The following PTCHD4 variants were observed in gnomAD, a reference collection of about 807,000 sequenced individuals.
The protein encoded by PTCHD4 is patched domain-containing protein 4.
A neutral mutation model predicts 58.1 loss-of-function variants in PTCHD4; 33 were observed. That is an observed-to-expected ratio of 0.57 (90% confidence interval 0.43 to 0.76). The LOEUF (loss-of-function observed/expected upper bound fraction) is 0.76. PTCHD4 is among the 30% of genes least tolerant of loss of function. The pLI is 0.00. For missense variants in PTCHD4, 1,058 were observed against 1,027.1 expected (o/e 1.03, Z -0.41); for synonymous variants, 478 against 409.6 (o/e 1.17, Z -2.02).
Position 47,878,537 on chromosome 6 carries a change from C to T in PTCHD4, c.2298G>A (p.Gly766=). 1.2e-6 allele frequency: 2 copies of T among 1,613,402 alleles called. No individual in the cohort carries two copies. Among genetic ancestry groups the T allele is most frequent in the African/African-American group, 1.3e-5 (1 of 74,968 alleles). The change falls in exon 5 of 5, where the codon GGG becomes GGA. Residue 766 remains glycine (G), a synonymous_variant. Coordinates refer to ENST00000339488, the MANE Select transcript of PTCHD4 (RefSeq NM_001384253.1). The part of the protein sequence containing the change: ...ILQNVTSFLI[G]LVPLLFVPSN... ...AAGGCACAAATAGAAGGGGGACTAA[C>T]CCAATAAGAAAAGAAGTAACATTTT... is the stretch of plus-strand genomic sequence containing the variant.
chr6:47,874,684 A>G lies in PTCHD4; in HGVS notation c.*3619T>C, dbSNP rs1367445598. Among the ~76,000 whole-genome samples the G allele has an allele frequency of 2.0e-5, 3 of 151,876 alleles. No individual in the cohort carries two copies. Among genetic ancestry groups the G allele is most frequent in the African/African-American group, 7.2e-5 (3 of 41,516 alleles). On this transcript the variant is annotated 3_prime_UTR_variant, in exon 5 of 5. Transcript: ENST00000339488. Reference sequence around the variant, plus strand: ...CATTATTCTTCTCACCTCACAAGGTAAAAACCTAAATTCTGTGGAAATAAA... The same window carrying G: ...CATTATTCTTCTCACCTCACAAGGTGAAAACCTAAATTCTGTGGAAATAAA...
rs1763353144 is a variant in PTCHD4 at position 47,858,660 on chromosome 6, A to G, written c.*19643T>C. 6.6e-6 allele frequency among the ~76,000 whole-genome samples: 1 copy of G among 152,016 alleles called. No homozygotes were observed. Among genetic ancestry groups the G allele is most frequent in the African/African-American group, 2.4e-5 (1 of 41,430 alleles). Reference sequence around the variant, plus strand: ...AAACAAAGAGCAATAAGAAATCTGAACACAAGTAACAAGGCTACACTGCAC... The same window carrying G: ...AAACAAAGAGCAATAAGAAATCTGAGCACAAGTAACAAGGCTACACTGCAC... On this transcript the variant is annotated 3_prime_UTR_variant, in exon 5 of 5. Coordinates refer to ENST00000339488, the MANE Select transcript of PTCHD4 (RefSeq NM_001384253.1).
intron 4 of PTCHD4, among the ~76,000 whole-genome samples, chr6:47,990,229 G>A (rs1232057490): frequency 1.3e-5 from 2 of 152,158 alleles, no homozygotes; most frequent in Non-Finnish European, 2.9e-5. Flanking sequence ...AGGATCATAG[G>A]CGGAAGGGAC....
chr6:48,027,978 A>G (rs982913823), intron 3 of PTCHD4, among the ~76,000 whole-genome samples: 3 of 151,980 alleles, frequency 2.0e-5, no homozygotes, highest in Non-Finnish European at 4.4e-5. Flanking sequence ...GTCTCGCTCT[A>G]TTGCTCAGGC....
chr6:48,022,974 T>C (rs1763118057), intron 3 of PTCHD4, among the ~76,000 whole-genome samples: 1 of 152,184 alleles, frequency 6.6e-6, no homozygotes, highest in Non-Finnish European at 1.5e-5. Context: ...TAAAGTTAGC[T>C]TGCATTCCAC....
rs546504440 is a variant in PTCHD4 at position 47,869,051 on chromosome 6, A to T, written c.*9252T>A. 6.6e-6 allele frequency among the ~76,000 whole-genome samples: 1 copy of T among 151,826 alleles called. No individual in the cohort carries two copies. The highest frequency in any genetic ancestry group is 1.9e-4 in the East Asian group (1 of 5,130). ...GAGCTTTGCAATGATAAAGCTTTTG[A>T]AGTGGCTTGTGGAATATTAAATTGT... On this transcript the variant is annotated 3_prime_UTR_variant, in exon 5 of 5. Coordinates refer to ENST00000339488, the MANE Select transcript of PTCHD4 (RefSeq NM_001384253.1).
intron 4 of PTCHD4, among the ~76,000 whole-genome samples, chr6:48,000,468 C>G (rs994021908): frequency 3.3e-5 from 5 of 152,100 alleles, no homozygotes; most frequent in Admixed American, 3.3e-4. Context: ...TTAAAAAATT[C>G]ATGAACACAA....
chr6:48,107,976 A>C lies in PTCHD4; in HGVS notation c.-970+3073T>G, dbSNP rs557268065. On this transcript the variant is annotated intron_variant, in intron 1 of 4. Transcript: ENST00000339488. The stretch of plus-strand genomic sequence containing the variant: ...ACAGGTGCTGGAGAGGATGTGGAGA[A>C]ATAGGAACACTTTTACACTGTTGGT... Among the ~76,000 whole-genome samples, 446 of 152,302 alleles carry C rather than the reference A, an allele frequency of 2.9e-3. 2 individuals carry two copies. The highest frequency in any genetic ancestry group is 0.01 in the African/African-American group (428 of 41,580).
chr6:48,029,176 A>G (rs1763351189), intron 3 of PTCHD4, among the ~76,000 whole-genome samples: 1 of 152,104 alleles, frequency 6.6e-6, no homozygotes, highest in Non-Finnish European at 1.5e-5. Flanking sequence ...GAAAATTCTC[A>G]TCAGATTCTT....
chr6:48,067,585 G>A (rs1764843280), intron 3 of PTCHD4, among the ~76,000 whole-genome samples: 1 of 151,946 alleles, frequency 6.6e-6, no homozygotes, highest in Non-Finnish European at 1.5e-5. Flanking sequence ...ACACTCACAC[G>A]GCACCAAAAC....
At chr6:47,894,127 C>G (rs530916286) in intron 4 of PTCHD4, among the ~76,000 whole-genome samples, 1 of 152,170 alleles carries the variant, frequency 6.6e-6, no homozygotes, top group East Asian at 1.9e-4. Context: ...CCAGAGGACT[C>G]TCTCAGAAAT....
At chr6:47,927,797 A>T (rs1046248766) in intron 4 of PTCHD4, among the ~76,000 whole-genome samples, 3 of 151,248 alleles carry the variant, frequency 2.0e-5, no homozygotes, top group Admixed American at 1.3e-4. Flanking sequence ...TATTATTATT[A>T]TTTTTTGTAG....
chr6:47,989,370 T>A (rs10080881), intron 4 of PTCHD4, among the ~76,000 whole-genome samples: 2,180 of 152,216 alleles, frequency 0.014, 61 homozygotes, highest in African/African-American at 0.05. Context: ...GCTCTAGAAA[T>A]TTGCATAAGT....
intron 3 of PTCHD4, among the ~76,000 whole-genome samples, chr6:48,036,936 T>C (rs1002937480): frequency 6.6e-6 from 1 of 152,154 alleles, no homozygotes; most frequent in African/African-American, 2.4e-5. Flanking sequence ...GTGGAAGACA[T>C]GAACAGAAAA....
chr6:47,944,647 G>A (rs1165703913), intron 4 of PTCHD4, among the ~76,000 whole-genome samples: 1 of 152,040 alleles, frequency 6.6e-6, no homozygotes, highest in Non-Finnish European at 1.5e-5. Flanking sequence ...TGAAAAACAG[G>A]GAAGCAAATG....
chr6:48,062,611 C>G (rs1451333004), intron 3 of PTCHD4, among the ~76,000 whole-genome samples: 1 of 152,106 alleles, frequency 6.6e-6, no homozygotes, highest in Non-Finnish European at 1.5e-5. Flanking sequence ...CAGTGCCAAG[C>G]AATTCTTTAG....
chr6:47,994,386 T>G (rs1768399611), intron 4 of PTCHD4, among the ~76,000 whole-genome samples: 1 of 152,174 alleles, frequency 6.6e-6, no homozygotes, highest in Non-Finnish European at 1.5e-5. Context: ...CCTCCTATAT[T>G]GTCCTAGGCC....
At position 47,967,269 on chromosome 6, in the gene PTCHD4, T is replaced by C. The variant is rs532049139; in HGVS notation, c.898+41365A>G. 2.0e-5 allele frequency among the ~76,000 whole-genome samples: 3 copies of C among 152,338 alleles called. No homozygotes were observed. In the South Asian group the frequency reaches 6.2e-4, roughly 32 times the overall value. ...GCATTGTCGATTTGCAGTAATATTTTGAAAGGACTCTTTTTCTAAGCTGTG... is the reference window on the plus strand; with the variant it reads ...GCATTGTCGATTTGCAGTAATATTTCGAAAGGACTCTTTTTCTAAGCTGTG... On this transcript the variant is annotated intron_variant, in intron 4 of 4. Coordinates refer to ENST00000339488, the MANE Select transcript of PTCHD4 (RefSeq NM_001384253.1).
chr6:47,888,500 G>A (rs1049534300), intron 4 of PTCHD4, among the ~76,000 whole-genome samples: 1 of 152,056 alleles, frequency 6.6e-6, no homozygotes, highest in Non-Finnish European at 1.5e-5. Flanking sequence ...ATAAAACTTA[G>A]TAGCAGATTC....
Sources: gnomAD v4.1 joint callset for allele counts (sites outside exome capture counted in the v4.1 genomes callset) on GRCh38, gnomAD v4.1.1 for gene constraint, MANE v1.5 for transcripts, NCBI Gene and HGNC (gene_info 2026-07-23, HGNC 2026-07-21) for gene names.